SENP1: variants seen among roughly 807,000 people sequenced by gnomAD.
SENP1 encodes sentrin-specific protease 1.
Under a neutral mutation model 93.0 loss-of-function variants are expected in SENP1, and 21 were observed. That is an observed-to-expected ratio of 0.23 (90% CI 0.16 to 0.33). The LOEUF (loss-of-function observed/expected upper bound fraction) is 0.33, where lower values mean the gene tolerates loss of function less well. Ranked by LOEUF, SENP1 falls within the 10% of genes least tolerant of loss-of-function variation. SENP1 has a pLI of 1.00. For missense variants in SENP1, 591 were observed against 758.7 expected (o/e 0.78, Z 2.60); for synonymous variants, 256 against 259.6 (o/e 0.99, Z 0.13).
rs1941281366 is a variant in SENP1, at chr12:48,045,327, A to G, written c.1930T>C (p.Leu644=). ...TCTGCTAAGTGAGACAGTCTTCACA[A>G]GAGTTTTCGGTGGAGGATCTCCCAG... The part of the protein sequence containing the change: ...MVWEILHRKL[L] The change falls in exon 18 of 18, where the codon TTG becomes CTG. Residue 644 remains leucine, a synonymous_variant. Coordinates refer to ENST00000549518, the MANE Select transcript of SENP1 (RefSeq NM_001267594.2). 5 of 1,613,458 alleles carry G rather than the reference A, an allele frequency of 3.1e-6. No homozygotes were observed. The highest frequency in any genetic ancestry group is 4.2e-6 in the Non-Finnish European group (5 of 1,179,554).
At chr12:48,055,878 C>T (rs1942219293) in intron 13 of SENP1, among the ~76,000 whole-genome samples, 1 of 136,204 alleles carries the variant, frequency 7.3e-6, no homozygotes, top group African/African-American at 2.7e-5. Context: ...TAATATATTA[C>T]ATATTATGCA....
chr12:48,098,146 G>A, intron 2 of SENP1, 22 bp from the exon 3 acceptor site: 1 of 1,597,812 alleles, frequency 6.3e-7, no homozygotes, highest in Non-Finnish European at 8.5e-7. Context: ...GTCTGGATTA[G>A]TTCAAGTCAC....
chr12:48,081,058 G>A (rs1944457649), intron 6 of SENP1, among the ~76,000 whole-genome samples: 1 of 152,096 alleles, frequency 6.6e-6, no homozygotes, highest in South Asian at 2.1e-4. Context: ...GTGGGTGAAT[G>A]GCAAACTTAC....
chr12:48,083,533 G>T, intron 6 of SENP1, 58 bp downstream of exon 6: 1 of 1,377,080 alleles, frequency 7.3e-7, no homozygotes, highest in Non-Finnish European at 1.0e-6. Context: ...GGGAGCAAAT[G>T]GCTCAATGTA....
In SENP1 at chr12:48,046,822, C is replaced by T. The variant is rs78863763; in HGVS notation, c.1776+156G>A. On this transcript the variant is annotated intron_variant, in intron 16 of 17. Coordinates refer to ENST00000549518, the MANE Select transcript of SENP1 (RefSeq NM_001267594.2). ...AAGAAACACACTATCACTTTTCCTA[C>T]GGATAGCTTAATTTATCCTCCCCCA... Among the ~76,000 whole-genome samples, 1,464 of 152,112 alleles carry T rather than the reference C, an allele frequency of 9.6e-3. 41 individuals are homozygous for T. The highest frequency in any genetic ancestry group is 0.054 in the Admixed American group (825 of 15,262).
intron 17 of SENP1, among the ~76,000 whole-genome samples, chr12:48,046,153 T>C (rs572480940): frequency 6.6e-6 from 1 of 152,318 alleles, no homozygotes; most frequent in African/African-American, 2.4e-5. Context: ...TGAGGTGTGG[T>C]AACCCAGGAC....
chr12:48,093,259 C>A (rs1592459995), intron 4 of SENP1, among the ~76,000 whole-genome samples: 1 of 146,972 alleles, frequency 6.8e-6, no homozygotes, highest in East Asian at 2.0e-4. Flanking sequence ...TAGGTTTTGC[C>A]AAGGAATGAA....
At chr12:48,089,948 T>C (rs1433681728) in intron 4 of SENP1, among the ~76,000 whole-genome samples, 1 of 152,256 alleles carries the variant, frequency 6.6e-6, no homozygotes, top group Non-Finnish European at 1.5e-5. Context: ...TTTCATGCTC[T>C]ATCCAAATAG....
In SENP1 at chr12:48,074,809, A is replaced by C. The variant is rs753011325; in HGVS notation, c.553-16T>G. The C allele has an allele frequency of 6.9e-5, 106 of 1,530,618 alleles. 1 individual carries two copies. The highest frequency in any genetic ancestry group is 3.3e-4 in the Admixed American group (17 of 51,714). The allele number at this position is 1,530,618 out of a possible 1,614,324, so 94.8% of individuals were successfully genotyped here. ...CTTGAACTGTCTATAAGAAAACAAA[A>C]AAAAAAAACAGTTTAAACACATCCA... is the stretch of plus-strand genomic sequence containing the variant. On this transcript the variant is annotated splice_polypyrimidine_tract_variant and intron_variant, in intron 6 of 17. Transcript: ENST00000549518.
Position 48,074,329 on chromosome 12 carries a change from G to T in SENP1, c.935C>A (p.Ser312Tyr). 1 of 1,610,348 alleles carries T rather than the reference G, an allele frequency of 6.2e-7. No individual in the cohort carries two copies. The highest frequency in any genetic ancestry group is 8.5e-7 in the Non-Finnish European group (1 of 1,177,210). The change falls in exon 8 of 18, where the codon TCT (serine) becomes TAT (tyrosine). Residue 312 changes from serine (S) to tyrosine (Y), a missense_variant. This residue lies in a region of SENP1 where 238 missense variants were observed against 259.1 expected (regional missense o/e 0.92). Transcript: ENST00000549518. ...TTATATGATACCATGTTTACCTTCA[G>T]ATTGTGTATTTGAAGCTGCTAAGTT... ...PDNLAASNTQ[S>Y]EGSDSVILLK...
chr12:48,083,783 A>G (rs996131040), intron 5 of SENP1, 21 bp from the exon 6 acceptor site: 7 of 1,563,358 alleles, frequency 4.5e-6, no homozygotes, highest in Non-Finnish European at 6.1e-6. Flanking sequence ...AGTTTGTAAG[A>G]AAGATAAGAA....
At chr12:48,105,591 G>C in intron 1 of SENP1, 1 of 470,196 alleles carries the variant, frequency 2.1e-6, no homozygotes, top group South Asian at 1.6e-5. Flanking sequence ...TATCACTCGG[G>C]TCTCAAGGAA....
At chr12:48,078,755 G>A (rs1388577339) in intron 6 of SENP1, among the ~76,000 whole-genome samples, 5 of 152,130 alleles carry the variant, frequency 3.3e-5, no homozygotes, top group African/African-American at 1.2e-4. Flanking sequence ...CAAAATGAAA[G>A]TTACCTAAAT....
At chr12:48,047,825 C>T (rs1040127990) in intron 15 of SENP1, among the ~76,000 whole-genome samples, 176 bp downstream of exon 15, 27 of 152,176 alleles carry the variant, frequency 1.8e-4, no homozygotes, top group African/African-American at 6.0e-4. Flanking sequence ...CCCATTAGGG[C>T]ATACTTTGGT....
At chr12:48,054,037 TAG>T (rs754387489) in intron 13 of SENP1, among the ~76,000 whole-genome samples, 6 of 152,110 alleles carry the variant, frequency 3.9e-5, no homozygotes, top group Non-Finnish European at 8.8e-5. Flanking sequence ...GGGAAAATAA[TAG>T]AGAGACAGGA....
intron 13 of SENP1, among the ~76,000 whole-genome samples, chr12:48,059,746 C>G (rs1405746837): frequency 6.6e-6 from 1 of 152,082 alleles, no homozygotes; most frequent in Non-Finnish European, 1.5e-5. Flanking sequence ...TTATTTGGAT[C>G]AGTTTCAGGC....
chr12:48,067,201 A>G (rs1313082136), intron 9 of SENP1, among the ~76,000 whole-genome samples: 1 of 152,202 alleles, frequency 6.6e-6, no homozygotes, highest in Admixed American at 6.5e-5. Flanking sequence ...TAAAAAGGTG[A>G]CCCAAAGTTC....
intron 17 of SENP1, among the ~76,000 whole-genome samples, chr12:48,045,615 TC>T (rs1396610908): frequency 2.0e-5 from 3 of 152,158 alleles, no homozygotes; most frequent in African/African-American, 7.2e-5. Flanking sequence ...TTTCCAGGAA[TC>T]CCCAGGCTAT....
At chr12:48,064,980 AT>A in intron 12 of SENP1, 84 bp downstream of exon 12, 1 of 1,015,038 alleles carries the variant, frequency 9.9e-7, no homozygotes, top group Non-Finnish European at 1.5e-6. Context: ...CCTGACCACT[AT>A]TGCTTTTATG....
Sources: allele counts gnomAD v4.1 joint callset (sites outside exome capture counted in the v4.1 genomes callset), GRCh38; gene constraint gnomAD v4.1.1; regional missense constraint gnomAD v4.1.1; transcripts MANE v1.5; gene names NCBI Gene and HGNC (gene_info 2026-07-23, HGNC 2026-07-21).